CACNA1B: variants seen among roughly 807,000 people sequenced by gnomAD.
CACNA1B encodes the protein voltage-dependent N-type calcium channel subunit alpha-1B.
Under a neutral mutation model 247.2 loss-of-function variants are expected in CACNA1B, and 70 were observed. That is an observed-to-expected ratio of 0.28 (90% CI 0.23 to 0.35). CACNA1B has a LOEUF of 0.35. Among genes scored for constraint, CACNA1B ranks in the 10% least tolerant of loss-of-function variants. The pLI, the probability that CACNA1B is intolerant of heterozygous loss-of-function variation, is 1.00. For missense variants in CACNA1B, 2,367 were observed against 3,197.4 expected (o/e 0.74, Z 6.26); for synonymous variants, 1,231 against 1,294.4 (o/e 0.95, Z 1.05).
intron 10 of CACNA1B, among the ~76,000 whole-genome samples, chr9:137,960,218 C>G (rs1589034098): frequency 6.2e-5 from 1 of 16,156 alleles, no homozygotes; most frequent in Non-Finnish European, 1.3e-4. Flanking sequence ...GAGGGAAGGT[C>G]GGCCGGAGGG....
chr9:138,061,522 G>C (rs1168545633), intron 31 of CACNA1B, among the ~76,000 whole-genome samples: 1 of 152,178 alleles, frequency 6.6e-6, no homozygotes, highest in Admixed American at 6.5e-5. Flanking sequence ...GTATCACCAA[G>C]CCGGCATTTT....
intron 3 of CACNA1B, among the ~76,000 whole-genome samples, chr9:137,884,898 CT>C (rs1375987077): frequency 2.2e-5 from 3 of 133,964 alleles, no homozygotes; most frequent in African/African-American, 8.4e-5. Context: ...TCCCCCTCCT[CT>C]TCCCGCCTCC....
chr9:137,955,737 C>T lies in CACNA1B; in HGVS notation c.1110C>T (p.Arg370=), dbSNP rs200234960. ...AKERERVENR[R]AFLKLRRQQQ... ...AGCGAGAGAGGGTGGAGAACCGCCG[C>T]GCCTTCCTGAAGCTGCGCCGGCAGC... Residue 370 remains arginine (R), a synonymous_variant, in exon 8 of 47, where the codon CGC becomes CGT. Coordinates refer to ENST00000371372, the MANE Select transcript of CACNA1B (RefSeq NM_000718.4). This position sits in a 1 kb window ranked among gnomAD's most constrained non-coding sequence, Gnocchi z 6.9. 81 of 1,612,998 alleles carry T rather than the reference C, an allele frequency of 5.0e-5. 2 individuals are homozygous for T. Among genetic ancestry groups the T allele is most frequent in the South Asian group, 4.7e-4 (43 of 90,816 alleles).
At position 138,124,084 on chromosome 9, in the gene CACNA1B, A is replaced by C. The variant is rs200423665; in HGVS notation, c.*2085A>C. The C allele has an allele frequency of 8.5e-5, 13 of 152,176 alleles. No individual in the cohort carries two copies. Among genetic ancestry groups the C allele is most frequent in the African/African-American group, 3.1e-4 (13 of 41,430 alleles). 9.4% of individuals were successfully genotyped at this position (152,176 alleles called of 1,614,324 possible). On this transcript the variant is annotated 3_prime_UTR_variant, in exon 47 of 47. Coordinates refer to ENST00000371372, the MANE Select transcript of CACNA1B (RefSeq NM_000718.4). The stretch of plus-strand genomic sequence containing the variant: ...ATTGGAATTGATGAAAACTACAGGG[A>C]GCGGGGAAAGGAGACATTATGTCTT...
At chr9:138,056,496 C>T (rs1438021508) in intron 26 of CACNA1B, among the ~76,000 whole-genome samples, 3 of 152,206 alleles carry the variant, frequency 2.0e-5, no homozygotes, top group Admixed American at 2.0e-4. Context: ...TGGGTTGTTT[C>T]TACCTTGTGG....
rs551372748 is a variant in CACNA1B, at chr9:137,958,615, A to G, written c.1333+928A>G. Among the ~76,000 whole-genome samples, 463 of 152,200 alleles carry G rather than the reference A, an allele frequency of 3.0e-3. 1 individual carries two copies. The highest frequency in any genetic ancestry group is 5.7e-3 in the Non-Finnish European group (389 of 68,026). Reference sequence around the variant, plus strand: ...TAGTGCTTTTATCTCACTATGAAAAATACTGCCCCCAAGTCTTTGTGAATG... The same window carrying G: ...TAGTGCTTTTATCTCACTATGAAAAGTACTGCCCCCAAGTCTTTGTGAATG... On this transcript the variant is annotated intron_variant, in intron 10 of 46. Transcript: ENST00000371372.
At chr9:138,115,945 T>G (rs1671399710) in intron 42 of CACNA1B, among the ~76,000 whole-genome samples, 1 of 152,256 alleles carries the variant, frequency 6.6e-6, no homozygotes, top group African/African-American at 2.4e-5. Context: ...ACTTGCTGCC[T>G]GAGAGCAGTC....
At chr9:137,984,489 GC>G (rs1235540193) in intron 13 of CACNA1B, among the ~76,000 whole-genome samples, 1 of 152,238 alleles carries the variant, frequency 6.6e-6, no homozygotes, top group Non-Finnish European at 1.5e-5. Context: ...TTGTTCACTT[GC>G]TTTCCACGAT....
rs1435117019 is a variant in CACNA1B, at chr9:138,118,093, CG to C, written c.5913+17del. 5.9e-6 allele frequency: 7 copies of C among 1,185,688 alleles called. No individual in the cohort carries two copies. Among genetic ancestry groups the C allele is most frequent in the South Asian group, 1.5e-5 (1 of 66,402 alleles). The allele number at this position is 1,185,688 out of a possible 1,614,324, so 73.4% of individuals were successfully genotyped here. On this transcript the variant is annotated intron_variant, in intron 43 of 46. Coordinates refer to ENST00000371372, the MANE Select transcript of CACNA1B (RefSeq NM_000718.4). ...GGTCAGGAGCACTGGTGAGCACTCC[CG>C]GGGGCTAGTGAGACTGGGTTGGGGG...
chr9:138,006,651 T>A, intron 15 of CACNA1B, 116 bp from the exon 16 acceptor site: 1 of 667,166 alleles, frequency 1.5e-6, no homozygotes, highest in South Asian at 1.7e-5. Flanking sequence ...TGTGCATGTG[T>A]GGACGTGGCA....
At chr9:137,978,965 C>T (rs903539431) in intron 12 of CACNA1B, among the ~76,000 whole-genome samples, 3 of 152,196 alleles carry the variant, frequency 2.0e-5, no homozygotes, top group Non-Finnish European at 4.4e-5. Flanking sequence ...AGCAACCCTT[C>T]TTACCCTTTG....
At chr9:137,895,155 G>A (rs952677138) in intron 3 of CACNA1B, among the ~76,000 whole-genome samples, 2 of 152,164 alleles carry the variant, frequency 1.3e-5, no homozygotes, top group African/African-American at 2.4e-5. Context: ...CCAACTGGGC[G>A]TGCTTGTCTG....
At position 138,050,525 on chromosome 9, in the gene CACNA1B, C is replaced by T. The variant is rs987221739; in HGVS notation, c.3710+1210C>T. Reference sequence around the variant, plus strand: ...AGCCCCCTGCAGTTCCCACTATTTCCTCTTTCTGTGATAAAGGAATGAGAG... The same window carrying T: ...AGCCCCCTGCAGTTCCCACTATTTCTTCTTTCTGTGATAAAGGAATGAGAG... On this transcript the variant is annotated intron_variant, in intron 24 of 46. Coordinates refer to ENST00000371372, the MANE Select transcript of CACNA1B (RefSeq NM_000718.4). The surrounding 1 kb of genome is among the most constrained non-coding windows in gnomAD (Gnocchi z 5.2). Among the ~76,000 whole-genome samples, 2 of 152,216 alleles carry T rather than the reference C, an allele frequency of 1.3e-5. No individual in the cohort carries two copies. The highest frequency in any genetic ancestry group is 2.4e-5 in the African/African-American group (1 of 41,452).
Position 138,121,027 on chromosome 9 carries a change from G to C in CACNA1B, c.6489+146G>C. 1.1e-6 allele frequency: 1 copy of C among 942,264 alleles called. No homozygotes were observed. The highest frequency in any genetic ancestry group is 1.5e-6 in the Non-Finnish European group (1 of 646,158). 58.4% of individuals were successfully genotyped at this position (942,264 alleles called of 1,614,324 possible). On this transcript the variant is annotated intron_variant, in intron 46 of 46. Transcript: ENST00000371372. This position sits in a 1 kb window ranked among gnomAD's most constrained non-coding sequence, Gnocchi z 6.8. ...CCAAGGGCCGGGCGCTCCCCTCTGT[G>C]CCCTGTCCCGGAGCCCACGTCTGCA...
intron 6 of CACNA1B, among the ~76,000 whole-genome samples, chr9:137,930,012 G>T (rs1426393983): frequency 1.3e-5 from 2 of 152,038 alleles, no homozygotes; most frequent in Non-Finnish European, 2.9e-5. Flanking sequence ...ACCCAGACTG[G>T]TCTTGAACTC....
intron 34 of CACNA1B, among the ~76,000 whole-genome samples, chr9:138,074,435 T>G (rs942085928): frequency 3.9e-5 from 6 of 152,190 alleles, no homozygotes; most frequent in African/African-American, 1.4e-4. Context: ...GAGACAGGGT[T>G]TCACCATGTT....
At chr9:137,931,519 G>A (rs1957608063) in intron 6 of CACNA1B, among the ~76,000 whole-genome samples, 2 of 152,062 alleles carry the variant, frequency 1.3e-5, no homozygotes, top group East Asian at 3.9e-4. Flanking sequence ...GCACAAATCG[G>A]CCTTAGGTTC....
chr9:137,908,697 C>A (rs1366925958), intron 3 of CACNA1B, among the ~76,000 whole-genome samples: 1 of 151,886 alleles, frequency 6.6e-6, no homozygotes, highest in Non-Finnish European at 1.5e-5. Context: ...GTGGTGCGAT[C>A]TTGGCTCACT....
In CACNA1B at chr9:137,891,524, C is replaced by A; in HGVS notation, c.530+8641C>A. The A allele has an allele frequency of 5.9e-6, 1 of 168,732 alleles. No individual in the cohort carries two copies. Among genetic ancestry groups the A allele is most frequent in the Non-Finnish European group, 1.3e-5 (1 of 79,582 alleles). The allele number at this position is 168,732 out of a possible 1,614,324, so 10.5% of individuals were successfully genotyped here. ...GGGGACAGGGGACCTGCATTCTGTG[C>A]AGATGCACCCACAGAGGTCACAGGG... On this transcript the variant is annotated intron_variant, in intron 3 of 46. Transcript: ENST00000371372. This position sits in a 1 kb window ranked among gnomAD's most constrained non-coding sequence, Gnocchi z 4.3.
Sources: gnomAD v4.1 joint callset for allele counts (sites outside exome capture counted in the v4.1 genomes callset) on GRCh38, gnomAD v4.1.1 for gene constraint, Gnocchi (gnomAD v3.1) non-coding constraint, MANE v1.5 for transcripts, NCBI Gene and HGNC (gene_info 2026-07-23, HGNC 2026-07-21) for gene names.